The following MPHOSPH9 variants were observed in gnomAD, a reference collection of about 807,000 sequenced individuals.
MPHOSPH9 encodes the protein M-phase phosphoprotein 9.
Under a neutral mutation model 145.5 loss-of-function variants are expected in MPHOSPH9, and 88 were observed. That is an observed-to-expected ratio of 0.60 (90% CI 0.51 to 0.72). The LOEUF (loss-of-function observed/expected upper bound fraction) is 0.72. Ranked by LOEUF, MPHOSPH9 falls within the 30% of genes least tolerant of loss-of-function variation. The pLI, the probability that MPHOSPH9 is intolerant of heterozygous loss-of-function variation, is 0.00. For synonymous variants in MPHOSPH9, 435 were observed against 486.2 expected (o/e 0.89, Z 1.39); for missense variants, 1,238 against 1,386.6 (o/e 0.89, Z 1.70).
chr12:123,185,436 G>T (rs961780043), intron 13 of MPHOSPH9, among the ~76,000 whole-genome samples: 1 of 152,066 alleles, frequency 6.6e-6, no homozygotes, highest in Non-Finnish European at 1.5e-5. Flanking sequence ...AAAGGAATGA[G>T]AAACATGATT....
intron 2 of MPHOSPH9, among the ~76,000 whole-genome samples, chr12:123,228,598 G>T (rs1593251753): frequency 6.6e-6 from 1 of 152,036 alleles, no homozygotes; most frequent in East Asian, 1.9e-4. Flanking sequence ...TGAGGCAGGG[G>T]AATCCCTTGA....
chr12:123,227,196 A>G (rs2047469724), intron 3 of MPHOSPH9, among the ~76,000 whole-genome samples: 1 of 152,208 alleles, frequency 6.6e-6, no homozygotes, highest in African/African-American at 2.4e-5. Context: ...TGGGATTCTC[A>G]GGTCTCTGAA....
intron 19 of MPHOSPH9, 50 bp from the exon 20 acceptor site, chr12:123,163,184 G>A (rs1444538890): frequency 6.8e-7 from 1 of 1,477,770 alleles, no homozygotes; most frequent in Non-Finnish European, 9.1e-7. Context: ...ATATGTATCA[G>A]CATAACAGTT....
chr12:123,215,308 T>C (rs2046911491), intron 6 of MPHOSPH9, among the ~76,000 whole-genome samples: 1 of 151,782 alleles, frequency 6.6e-6, no homozygotes, highest in Non-Finnish European at 1.5e-5. Flanking sequence ...AATTCACTGT[T>C]GCAGATTTTT....
chr12:123,205,650 T>C (rs1358032255), intron 8 of MPHOSPH9, among the ~76,000 whole-genome samples: 2 of 151,836 alleles, frequency 1.3e-5, no homozygotes, highest in African/African-American at 2.4e-5. Context: ...CTGTGAAGAG[T>C]AGCATTACTC....
rs547354854 is a variant in MPHOSPH9, at chr12:123,163,891, T to C, written c.2908+59A>G. The C allele has an allele frequency of 1.6e-5, 25 of 1,601,642 alleles. No homozygotes were observed. In the African/African-American group the frequency reaches 2.7e-4, roughly 17 times the overall value. ...GAAACAGGCAAGCAGCGGGCACAAA[T>C]AGATTTGACTCAGAGATCACGCTTT... On this transcript the variant is annotated intron_variant, in intron 19 of 23. Transcript: ENST00000606320.
chr12:123,222,922 G>T, intron 4 of MPHOSPH9, 116 bp downstream of exon 4: 1 of 621,142 alleles, frequency 1.6e-6, no homozygotes. Context: ...GGCAACAAGA[G>T]TGAGACTCCA....
downstream of MPHOSPH9, chr12:123,153,043 A>G (rs1340754068): frequency 6.5e-6 from 1 of 153,932 alleles, no homozygotes; most frequent in Non-Finnish European, 1.4e-5. Context: ...CTGGGCGAGA[A>G]GGGGATAGCT....
At chr12:123,152,754 T>A (rs2137797930), downstream of MPHOSPH9, 3 of 355,296 alleles carry the variant, frequency 8.4e-6, 1 homozygote, top group Admixed American at 1.1e-4. Flanking sequence ...TCCAGCAAAA[T>A]TTGTGCAATA....
chr12:123,166,895 A>G (rs1028935830), intron 16 of MPHOSPH9, 106 bp from the exon 17 acceptor site: 16 of 1,157,906 alleles, frequency 1.4e-5, no homozygotes, highest in Non-Finnish European at 1.8e-5. Context: ...ACATTTGTAC[A>G]CTAATTTAAA....
chr12:123,211,302 G>A (rs1046328632), intron 7 of MPHOSPH9, among the ~76,000 whole-genome samples: 1 of 151,568 alleles, frequency 6.6e-6, no homozygotes, highest in African/African-American at 2.4e-5. Flanking sequence ...TGTATTTTTA[G>A]TAGAGATGGG....
In MPHOSPH9 at chr12:123,203,325, A is replaced by G. The variant is rs1454901819; in HGVS notation, c.1245T>C (p.Tyr415=). 2 of 1,611,886 alleles carry G rather than the reference A, an allele frequency of 1.2e-6. No individual in the cohort carries two copies. Among genetic ancestry groups the G allele is most frequent in the South Asian group, 2.2e-5 (2 of 91,010 alleles). The change falls in exon 9 of 24, where the codon TAT becomes TAC. Residue 415 remains tyrosine (Y), a synonymous_variant. Transcript: ENST00000606320. ...ACTGCTTGTTTTCCCTTTGTTTTTT[A>G]TAATAAATATCCTTCAGTGACGGTA... ...MKLPSLKDIY[Y]KKQRENKQLP...
At chr12:123,198,357 C>T in intron 11 of MPHOSPH9, 23 bp from the exon 12 acceptor site, 2 of 1,561,690 alleles carry the variant, frequency 1.3e-6, no homozygotes, top group Non-Finnish European at 1.8e-6. Flanking sequence ...AATTTAGCTT[C>T]AATTAGAAGA....
Position 123,181,154 on chromosome 12 carries a change from A to T in MPHOSPH9, c.2289+9T>A, listed in dbSNP as rs1224003198. 1 of 1,608,338 alleles carries T rather than the reference A, an allele frequency of 6.2e-7. No homozygotes were observed. The highest frequency in any genetic ancestry group is 1.3e-5 in the African/African-American group (1 of 74,800). ...CATGAAATCTAGAACATGAACCATT[A>T]CCCCTTACCTTTACTCTCCTGTGTT... On this transcript the variant is annotated intron_variant, in intron 14 of 23. Transcript: ENST00000606320.
At position 123,224,110 on chromosome 12, in the gene MPHOSPH9, T is replaced by TTTTATATATATATATATATATATATATA. The variant is rs1555231852; in HGVS notation, c.259-984_259-983insTATATATATATATATATATATATATAAA. The stretch of plus-strand genomic sequence containing the variant: ...TCACCATGTTCGGCTAATTGCTAAT[T>TTTTATATATATATATATATATATATATA]TATATATATATATATACACATTTTT... On this transcript the variant is annotated intron_variant, in intron 3 of 23. Coordinates refer to ENST00000606320, the MANE Select transcript of MPHOSPH9 (RefSeq NM_022782.4). Among the ~76,000 whole-genome samples the TTTTATATATATATATATATATATATATA allele has an allele frequency of 1.0e-3, 125 of 120,388 alleles. 6 individuals carry two copies. In the East Asian group the frequency reaches 0.024, roughly 24 times the overall value. 79.0% of individuals were successfully genotyped at this position (120,388 alleles called of 152,430 possible). A position where few individuals can be genotyped will look rare whatever the true frequency, so the allele number is the denominator to read the frequency against.
chr12:123,221,097 A>G (rs1437258441), intron 5 of MPHOSPH9, among the ~76,000 whole-genome samples: 2 of 152,226 alleles, frequency 1.3e-5, no homozygotes, highest in Non-Finnish European at 2.9e-5. Flanking sequence ...AACATGTATG[A>G]CAAACTTCCA....
chr12:123,240,035 CCAG>C (rs541980373), intron 1 of MPHOSPH9, among the ~76,000 whole-genome samples: 104 of 152,092 alleles, frequency 6.8e-4, no homozygotes, highest in African/African-American at 2.4e-3. Context: ...GGGGCCTGGA[CCAG>C]CAGCAACAGC....
chr12:123,199,429 T>C (rs74240768), intron 11 of MPHOSPH9, among the ~76,000 whole-genome samples: 7,194 of 152,218 alleles, frequency 0.047, 316 homozygotes, highest in East Asian at 0.27. Context: ...TAGCACTGAC[T>C]ATACACCAGG....
At chr12:123,175,627 G>A (rs2044817775) in intron 16 of MPHOSPH9, among the ~76,000 whole-genome samples, 3 of 151,742 alleles carry the variant, frequency 2.0e-5, no homozygotes, top group African/African-American at 7.3e-5. Flanking sequence ...TTCTCTGCAT[G>A]GACCACCTCC....
Sources: allele counts gnomAD v4.1 joint callset (sites outside exome capture counted in the v4.1 genomes callset), GRCh38; gene constraint gnomAD v4.1.1; transcripts MANE v1.5; gene names NCBI Gene and HGNC (gene_info 2026-07-23, HGNC 2026-07-21).